The following NRP1 variants were observed in gnomAD, a reference collection of about 807,000 sequenced individuals.
NRP1 encodes the protein neuropilin-1.
Under a neutral mutation model 106.7 loss-of-function variants are expected in NRP1, and 35 were observed. That is an observed-to-expected ratio of 0.33 (90% CI 0.25 to 0.43). The LOEUF (loss-of-function observed/expected upper bound fraction) is 0.43. NRP1 is among the 20% of genes least tolerant of loss of function. The pLI, the probability that NRP1 is intolerant of heterozygous loss-of-function variation, is 1.00. For missense variants in NRP1, 1,024 were observed against 1,170.4 expected (o/e 0.87, Z 1.83); for synonymous variants, 437 against 417.9 (o/e 1.05, Z -0.56).
chr10:33,180,303 T>C lies in NRP1; in HGVS notation c.2545A>G (p.Asn849Asp), dbSNP rs200321543. 6.2e-7 allele frequency: 1 copy of C among 1,609,102 alleles called. No homozygotes were observed. The highest frequency in any genetic ancestry group is 8.5e-7 in the Non-Finnish European group (1 of 1,175,954). Residue 849 changes from asparagine (N) to aspartate (D), a missense_variant, in exon 17 of 17, where the codon AAT becomes GAT. By Grantham distance (23) the Asn-to-Asp change is conservative. Around this residue, in one of 5 missense-constraint regions of NRP1, gnomAD observed 164 missense variants for 161.4 expected, o/e 1.02. Transcript: ENST00000374867. Reference protein sequence around the residue: ...GDKNISRKPGNVLKTLDPILI... With the variant: ...GDKNISRKPGDVLKTLDPILI... ...ATGGGGTCTAAGGTCTTCAACACAT[T>C]GCCTGGCTTCCTGGAGATGTTCTTG...
chr10:33,228,018 T>C (rs1413456482), intron 6 of NRP1, among the ~76,000 whole-genome samples: 1 of 152,156 alleles, frequency 6.6e-6, no homozygotes, highest in Non-Finnish European at 1.5e-5. Flanking sequence ...AGAATAATCT[T>C]GAAAGAAAAC....
intron 6 of NRP1, among the ~76,000 whole-genome samples, chr10:33,245,951 C>T (rs1304891919): frequency 2.6e-5 from 4 of 152,110 alleles, no homozygotes; most frequent in Admixed American, 6.5e-5. Context: ...TGGTGGTTCT[C>T]GAAGAATTGT....
chr10:33,289,827 A>G (rs1480472810), intron 2 of NRP1, among the ~76,000 whole-genome samples: 1 of 152,206 alleles, frequency 6.6e-6, no homozygotes, highest in Non-Finnish European at 1.5e-5. Flanking sequence ...CACACAATTC[A>G]TTCTCTTTTC....
chr10:33,334,429 G>C lies in NRP1; in HGVS notation c.-47C>G. On this transcript the variant is annotated 5_prime_UTR_variant, in exon 1 of 17. Coordinates refer to ENST00000374867, the MANE Select transcript of NRP1 (RefSeq NM_003873.7). The stretch of plus-strand genomic sequence containing the variant: ...GGCAGACGCGGGAGAACGAGGACGT[G>C]GGGGGAAATGCAGCAAAGAGGAGAA... 2.0e-6 allele frequency: 3 copies of C among 1,482,230 alleles called. No individual in the cohort carries two copies. Among genetic ancestry groups the C allele is most frequent in the South Asian group, 2.4e-5 (2 of 82,746 alleles). The allele number at this position is 1,482,230 out of a possible 1,614,324, so 91.8% of individuals were successfully genotyped here.
intron 2 of NRP1, among the ~76,000 whole-genome samples, chr10:33,315,035 A>G (rs1846921466): frequency 6.6e-6 from 1 of 152,372 alleles, no homozygotes; most frequent in East Asian, 1.9e-4. Context: ...CCAAGTTTAC[A>G]GAATTGTGAC....
chr10:33,296,691 G>A (rs531403807), intron 2 of NRP1, among the ~76,000 whole-genome samples: 9 of 152,282 alleles, frequency 5.9e-5, no homozygotes, highest in Non-Finnish European at 1.2e-4. Flanking sequence ...GGAAGGCACT[G>A]GGCCAGCAGA....
chr10:33,232,689 C>A (rs931334099), intron 6 of NRP1, among the ~76,000 whole-genome samples: 3 of 129,050 alleles, frequency 2.3e-5, no homozygotes, highest in African/African-American at 9.1e-5. Flanking sequence ...TGTCCCCTGG[C>A]TAGAGTGCAA....
At chr10:33,323,816 T>G (rs1452162491) in intron 2 of NRP1, among the ~76,000 whole-genome samples, 1 of 152,192 alleles carries the variant, frequency 6.6e-6, no homozygotes, top group Non-Finnish European at 1.5e-5. Flanking sequence ...ACATATGTGT[T>G]TGTGTGTGCG....
chr10:33,182,473 A>G (rs534639325), intron 16 of NRP1, among the ~76,000 whole-genome samples: 1 of 152,288 alleles, frequency 6.6e-6, no homozygotes, highest in East Asian at 1.9e-4. Flanking sequence ...CAGGTGTACA[A>G]GCAGGACCCG....
chr10:33,267,695 G>A lies in NRP1; in HGVS notation c.430+2980C>T, dbSNP rs74452507. Among the ~76,000 whole-genome samples, 490 of 152,274 alleles carry A rather than the reference G, an allele frequency of 3.2e-3. 3 individuals are homozygous for A. Among genetic ancestry groups the A allele is most frequent in the African/African-American group, 0.011 (465 of 41,554 alleles). On this transcript the variant is annotated intron_variant, in intron 3 of 16. Coordinates refer to ENST00000374867, the MANE Select transcript of NRP1 (RefSeq NM_003873.7). Reference sequence around the variant, plus strand: ...AAGGATGGGAACAGAGATCAGTGGGGAGGCTTGAGTTTCCTAGAGAAATCT... The same window carrying A: ...AAGGATGGGAACAGAGATCAGTGGGAAGGCTTGAGTTTCCTAGAGAAATCT...
chr10:33,199,382 TATA>T, intron 11 of NRP1, among the ~76,000 whole-genome samples: 1 of 71,120 alleles, frequency 1.4e-5, no homozygotes, highest in African/African-American at 5.8e-5. Flanking sequence ...TATATATATA[TATA>T]TATATTTTTT....
chr10:33,241,827 A>G (rs1841048672), intron 6 of NRP1, among the ~76,000 whole-genome samples: 1 of 152,226 alleles, frequency 6.6e-6, no homozygotes, highest in Admixed American at 6.5e-5. Context: ...AAGGATTAAA[A>G]CATATCACTT....
In NRP1 at chr10:33,180,054, G is replaced by C. The variant is rs373328240; in HGVS notation, c.*22C>G. The C allele has an allele frequency of 1.9e-6, 3 of 1,609,582 alleles. No homozygotes were observed. Among genetic ancestry groups the C allele is most frequent in the African/African-American group, 1.3e-5 (1 of 74,950 alleles). ...GTCCTTCCACTTCCGTCCTTTGACT[G>C]TCTTTTCATCTCTGTCTGCCTTCAT... On this transcript the variant is annotated 3_prime_UTR_variant, in exon 17 of 17. Coordinates refer to ENST00000374867, the MANE Select transcript of NRP1 (RefSeq NM_003873.7).
intron 3 of NRP1, among the ~76,000 whole-genome samples, chr10:33,265,743 C>T (rs145741656): frequency 2.7e-4 from 41 of 152,312 alleles, no homozygotes; most frequent in Non-Finnish European, 4.1e-4. Context: ...TCACCCTTCA[C>T]CATGAGAGCT....
intron 8 of NRP1, 196 bp from the exon 9 acceptor site, chr10:33,213,913 A>G (rs1838536881): frequency 1.8e-6 from 1 of 557,446 alleles, no homozygotes; most frequent in African/African-American, 1.9e-5. Context: ...CCGTCTCTAA[A>G]CTCACATCCC....
intron 3 of NRP1, among the ~76,000 whole-genome samples, chr10:33,267,048 A>C (rs535581907): frequency 3.3e-5 from 5 of 151,374 alleles, no homozygotes; most frequent in Admixed American, 6.6e-5. Context: ...AAACACAAAA[A>C]ACAAAAAAAC....
intron 3 of NRP1, among the ~76,000 whole-genome samples, chr10:33,268,431 C>T (rs1421529898): frequency 2.0e-5 from 3 of 151,934 alleles, no homozygotes; most frequent in African/African-American, 7.3e-5. Flanking sequence ...CAGTGGATGC[C>T]GTATTGGATG....
intron 6 of NRP1, among the ~76,000 whole-genome samples, chr10:33,241,172 T>C (rs928520588): frequency 1.8e-4 from 27 of 151,896 alleles, no homozygotes; most frequent in African/African-American, 6.5e-4. Flanking sequence ...TGTGTGGAGG[T>C]AGAAAATGAA....
At chr10:33,220,319 C>G (rs1413908966) in intron 8 of NRP1, among the ~76,000 whole-genome samples, 3 of 151,916 alleles carry the variant, frequency 2.0e-5, no homozygotes, top group Non-Finnish European at 2.9e-5. Context: ...AGAGGATAAA[C>G]AGAAAAATGG....
Sources: gnomAD v4.1 joint callset for allele counts (sites outside exome capture counted in the v4.1 genomes callset) on GRCh38, gnomAD v4.1.1 for gene constraint, gnomAD v4.1.1 regional missense constraint, MANE v1.5 for transcripts, NCBI Gene and HGNC (gene_info 2026-07-23, HGNC 2026-07-21) for gene names.